ATP2B2: variants seen among roughly 807,000 people sequenced by gnomAD.
ATP2B2 encodes plasma membrane calcium-transporting ATPase 2.
Under a neutral mutation model 120.0 loss-of-function variants are expected in ATP2B2, and 15 were observed. That is an observed-to-expected ratio of 0.12 (90% CI 0.08 to 0.19). ATP2B2 has a LOEUF of 0.19. Ranked by LOEUF, ATP2B2 falls within the 10% of genes least tolerant of loss-of-function variation. The probability of loss-of-function intolerance (pLI) is 1.00; values close to 1 mark genes in which losing one functional copy is unlikely to be tolerated. For synonymous variants in ATP2B2, 694 were observed against 700.3 expected (o/e 0.99, Z 0.14); for missense variants, 1,045 against 1,719.8 (o/e 0.61, Z 6.94).
At chr3:10,598,193 G>T (rs937263685) in intron 2 of ATP2B2, among the ~76,000 whole-genome samples, 1 of 152,204 alleles carries the variant, frequency 6.6e-6, no homozygotes, top group African/African-American at 2.4e-5. Context: ...ATAATTTGAG[G>T]TAAATGAAGC....
At chr3:10,414,817 G>T (rs1007620604) in intron 2 of ATP2B2, among the ~76,000 whole-genome samples, 2 of 151,194 alleles carry the variant, frequency 1.3e-5, no homozygotes, top group South Asian at 2.1e-4. Flanking sequence ...CCCCGCCCTT[G>T]CCCACTCCCC....
intron 1 of ATP2B2, among the ~76,000 whole-genome samples, chr3:10,471,747 TC>T (rs2065013175): frequency 1.3e-5 from 2 of 152,026 alleles, no homozygotes; most frequent in Admixed American, 6.5e-5. Context: ...CATCATATTG[TC>T]CCCCATAAAT....
chr3:10,562,104 C>G (rs1410722777), intron 2 of ATP2B2, among the ~76,000 whole-genome samples: 5 of 152,216 alleles, frequency 3.3e-5, no homozygotes. Flanking sequence ...TGGATGAGGT[C>G]TGCTAGTATA....
At chr3:10,420,711 CA>C (rs2062948642) in intron 2 of ATP2B2, among the ~76,000 whole-genome samples, 6 of 152,340 alleles carry the variant, frequency 3.9e-5, no homozygotes, top group African/African-American at 1.4e-4. Flanking sequence ...TAGTGCCTGC[CA>C]TACAGAGTTA....
chr3:10,597,063 CCACACACACA>C (rs58466640), intron 2 of ATP2B2, among the ~76,000 whole-genome samples: 4 of 142,846 alleles, frequency 2.8e-5, no homozygotes, highest in Non-Finnish European at 6.1e-5. Context: ...ACACACAGGG[CCACACACACA>C]CACACACACA....
rs368095668 is a variant in ATP2B2, at chr3:10,343,474, A to G, written c.2704-509T>C. On this transcript the variant is annotated intron_variant, in intron 18 of 22. Coordinates refer to ENST00000360273, the MANE Select transcript of ATP2B2 (RefSeq NM_001001331.4). The surrounding 1 kb of genome is among the most constrained non-coding windows in gnomAD (Gnocchi z 4.2). ...TATTGTGCGTATCTATGACTCAAAA[A>G]TTAATACATTTCAAGGTAGGAAATA... Among the ~76,000 whole-genome samples, 13 of 80,664 alleles carry G rather than the reference A, an allele frequency of 1.6e-4. No homozygotes were observed. The East Asian group carries it at 2.7e-3, about 17-fold the overall frequency. 52.9% of individuals were successfully genotyped at this position (80,664 alleles called of 152,430 possible). A position where few individuals can be genotyped will look rare whatever the true frequency, so the allele number is the denominator to read the frequency against.
At position 10,594,079 on chromosome 3, in the gene ATP2B2, G is replaced by T. The variant is rs190478326; in HGVS notation, c.-415+25838C>A. 7.0e-3 allele frequency among the ~76,000 whole-genome samples: 1,067 copies of T among 152,332 alleles called. 5 individuals are homozygous for T. Among genetic ancestry groups the T allele is most frequent in the Non-Finnish European group, 0.012 (794 of 68,034 alleles). On this transcript the variant is annotated intron_variant, in intron 2 of 21. Transcript: ENST00000646379. ...AAGTCAGGAAACAACAGATGCTGGA[G>T]AGGATGTGGAGAAATAGGAACACTT...
intron 3 of ATP2B2, among the ~76,000 whole-genome samples, chr3:10,404,749 T>C (rs537749247): frequency 2.6e-5 from 4 of 152,124 alleles, no homozygotes; most frequent in Non-Finnish European, 4.4e-5. Flanking sequence ...ATGACACCAA[T>C]AGAGACTCCA....
At chr3:10,541,395 T>G (rs1016767693) in intron 2 of ATP2B2, among the ~76,000 whole-genome samples, 1 of 152,206 alleles carries the variant, frequency 6.6e-6, no homozygotes, top group Non-Finnish European at 1.5e-5. Flanking sequence ...TTGCTAGTTA[T>G]GCATGATGCT....
chr3:10,449,226 G>A (rs2063945198), intron 2 of ATP2B2, 119 bp downstream of exon 2: 12 of 1,153,406 alleles, frequency 1.0e-5, no homozygotes, highest in East Asian at 2.5e-5. Flanking sequence ...GGCCATTCTG[G>A]CATTTCAGCC....
At chr3:10,540,404 A>G (rs1485408835) in intron 2 of ATP2B2, among the ~76,000 whole-genome samples, 1 of 152,192 alleles carries the variant, frequency 6.6e-6, no homozygotes. Flanking sequence ...ACGCTACTAT[A>G]AAGACATGTG....
intron 12 of ATP2B2, among the ~76,000 whole-genome samples, chr3:10,361,566 C>T (rs1051455388): frequency 6.6e-6 from 1 of 152,218 alleles, no homozygotes; most frequent in African/African-American, 2.4e-5. Flanking sequence ...GTCCTGGAGA[C>T]TCCCAGAACA....
At chr3:10,512,127 C>T (rs2066773702) in intron 3 of ATP2B2, among the ~76,000 whole-genome samples, 1 of 152,164 alleles carries the variant, frequency 6.6e-6, no homozygotes, top group Non-Finnish European at 1.5e-5. Context: ...TTCAAGGGTG[C>T]ATAGCTCTGT....
Position 10,460,384 on chromosome 3 carries a change from T to C in ATP2B2, c.-319-10522A>G, listed in dbSNP as rs573239164. Among the ~76,000 whole-genome samples, 12 of 152,176 alleles carry C rather than the reference T, an allele frequency of 7.9e-5. No individual in the cohort carries two copies. In the South Asian group the frequency reaches 2.3e-3, roughly 29 times the overall value. ...GGAGGTGGGTGTTAAGGACAACATG[T>C]GAAGGAGCTGTCCACACACTGAGGT... On this transcript the variant is annotated intron_variant, in intron 1 of 22. Coordinates refer to ENST00000360273, the MANE Select transcript of ATP2B2 (RefSeq NM_001001331.4).
chr3:10,360,949 T>C (rs1245448086), intron 12 of ATP2B2, among the ~76,000 whole-genome samples: 1 of 152,186 alleles, frequency 6.6e-6, no homozygotes, highest in Non-Finnish European at 1.5e-5. Flanking sequence ...TGGCAACCAC[T>C]AATCTGTTCC....
intron 1 of ATP2B2, among the ~76,000 whole-genome samples, chr3:10,466,784 T>C (rs1026853544): frequency 5.3e-5 from 8 of 152,158 alleles, no homozygotes; most frequent in Non-Finnish European, 8.8e-5. Context: ...AGTTTTAAGC[T>C]CAAAAGGATC....
At chr3:10,401,502 C>T (rs1334905546) in intron 4 of ATP2B2, among the ~76,000 whole-genome samples, 1 of 152,116 alleles carries the variant, frequency 6.6e-6, no homozygotes, top group Non-Finnish European at 1.5e-5. Context: ...GGATGTGTGC[C>T]TTTTAGGGCA....
rs912898113 is a variant in ATP2B2 at position 10,348,686 on chromosome 3, A to C, written c.2404+1426T>G. ...CCCACCTTCCATGGCCTGTGACCTA[A>C]AGCCTCCCTAGTCCAAGTTAGAGGC... On this transcript the variant is annotated intron_variant, in intron 16 of 22. Transcript: ENST00000360273. Among the ~76,000 whole-genome samples the C allele has an allele frequency of 2.0e-5, 3 of 152,210 alleles. No individual in the cohort carries two copies. In the East Asian group the frequency reaches 5.8e-4, roughly 29 times the overall value.
At chr3:10,427,784 C>T (rs868733193) in intron 2 of ATP2B2, among the ~76,000 whole-genome samples, 1 of 152,230 alleles carries the variant, frequency 6.6e-6, no homozygotes, top group African/African-American at 2.4e-5. Flanking sequence ...TCTGTCACCT[C>T]CTCTTGGAAT....
Sources: gnomAD v4.1 joint callset for allele counts (sites outside exome capture counted in the v4.1 genomes callset) on GRCh38, gnomAD v4.1.1 for gene constraint, Gnocchi (gnomAD v3.1) non-coding constraint, MANE v1.5 for transcripts, NCBI Gene and HGNC (gene_info 2026-07-23, HGNC 2026-07-21) for gene names.